Variants in PABPC4 observed in about 807,000 individuals in gnomAD.
PABPC4 encodes polyadenylate-binding protein 4.
In PABPC4, 15 loss-of-function variants were observed where a neutral mutation model predicts 74.5. The ratio of observed to expected loss-of-function variants is 0.20; its 90% CI spans 0.13 to 0.31. PABPC4 has a LOEUF of 0.31. Among genes scored for constraint, PABPC4 ranks in the 10% least tolerant of loss-of-function variants. The probability of loss-of-function intolerance (pLI) is 1.00; values close to 1 mark genes in which losing one functional copy is unlikely to be tolerated. For missense variants in PABPC4, 610 were observed against 853.5 expected, an observed-to-expected ratio of 0.71 and a Z score of 3.55; for synonymous variants, 345 against 303.0, an observed-to-expected ratio of 1.14 and a Z score of -1.44.
At position 39,572,509 on chromosome 1, in the gene PABPC4, G is replaced by C; in HGVS notation, c.271C>G (p.Pro91Ala). Residue 91 changes from proline (P) to alanine (A), a missense_variant, in exon 2 of 16, where the codon CCC becomes GCC. Pro to Ala is a conservative substitution (Grantham distance 27, BLOSUM62 -1). This residue lies in a region of PABPC4 where 304 missense variants were observed against 478.9 expected (regional missense o/e 0.63). Transcript: ENST00000372858. ...PIRIMWSQRD[P>A]SLRKSGVGNV... ...CCCACACCAGATTTTCTCAAAGAGG[G>C]ATCCCTCTGAGACCACATGATGCGG... 6.2e-7 allele frequency: 1 copy of C among 1,613,878 alleles called. No individual in the cohort carries two copies. Among genetic ancestry groups the C allele is most frequent in the East Asian group, 2.2e-5 (1 of 44,882 alleles).
At chr1:39,569,295 G>A (rs1008227903) in intron 5 of PABPC4, among the ~76,000 whole-genome samples, 8 of 152,172 alleles carry the variant, frequency 5.3e-5, no homozygotes, top group South Asian at 2.1e-4. Context: ...AGTAGCTGCC[G>A]TGCTGTTATC....
intron 2 of PABPC4, among the ~76,000 whole-genome samples, chr1:39,572,013 T>C (rs1645948903): frequency 6.6e-6 from 1 of 152,242 alleles, no homozygotes; most frequent in Non-Finnish European, 1.5e-5. Flanking sequence ...GTTTAAGTTT[T>C]AAAGTGCTCA....
Position 39,571,238 on chromosome 1 carries a change from T to G in PABPC4, c.499A>C (p.Lys167Gln). The G allele has an allele frequency of 6.2e-7, 1 of 1,614,042 alleles. No homozygotes were observed. Residue 167 changes from lysine (K) to glutamine (Q), a missense_variant, in exon 3 of 16, where the codon AAA becomes CAA. Physicochemically the swap from Lys to Gln is moderately conservative, Grantham distance 53. Around this residue, in one of 4 missense-constraint regions of PABPC4, gnomAD observed 304 missense variants for 478.9 expected, o/e 0.63. Transcript: ENST00000372858. The part of the protein sequence containing the change: ...KMNGMLLNDR[K>Q]VFVGRFKSRK... ...GCTCCGGACTGGGACACTCACACTT[T>G]GCGGTCATTGAGGAGCATGCCATTC...
rs1645778708 is a variant in PABPC4 at position 39,562,365 on chromosome 1, T to C, written c.1720A>G (p.Met574Val). 6.2e-7 allele frequency: 1 copy of C among 1,614,050 alleles called. No homozygotes were observed. The highest frequency in any genetic ancestry group is 8.5e-7 in the Non-Finnish European group (1 of 1,180,004). ...TCCTGGGGGGGTGCTGCAGCCAGCA[T>C]GGAGGCAGTCAGTGGCTCCTGCCCC... ...VQGQEPLTAS[M>V]LAAAPPQEQK... is the part of the protein sequence containing the mutation. The change falls in exon 13 of 16, where the codon ATG becomes GTG. Residue 574 changes from methionine (M) to valine (V), a missense_variant. Met to Val is a conservative substitution (Grantham distance 21). Coordinates refer to ENST00000372858, the MANE Select transcript of PABPC4 (RefSeq NM_001135653.2).
chr1:39,561,925 C>G (rs1172564634), intron 14 of PABPC4, 138 bp from the exon 15 acceptor site: 36 of 1,154,500 alleles, frequency 3.1e-5, no homozygotes, highest in South Asian at 2.4e-4. Flanking sequence ...TCCCAAATAC[C>G]CACTGCAGCC....
At chr1:39,570,153 C>T (rs1645917149) in intron 3 of PABPC4, 151 bp from the exon 4 acceptor site, 2 of 744,790 alleles carry the variant, frequency 2.7e-6, no homozygotes, top group African/African-American at 1.8e-5. Context: ...ACCCCAAGTC[C>T]CCAGCAGAAA....
Position 39,564,413 on chromosome 1 carries a change from GT to G in PABPC4, c.1453+9del. 6.2e-7 allele frequency: 1 copy of G among 1,613,114 alleles called. No individual in the cohort carries two copies. Among genetic ancestry groups the G allele is most frequent in the Non-Finnish European group, 8.5e-7 (1 of 1,179,774 alleles). On this transcript the variant is annotated intron_variant, in intron 10 of 15. Coordinates refer to ENST00000372858, the MANE Select transcript of PABPC4 (RefSeq NM_001135653.2). Reference sequence around the variant, plus strand: ...CCCCAGGCCACACTTCTAAAGGCCAGTTTGCTCACCGACTCTCTGAGTGGTA... The same window carrying G: ...CCCCAGGCCACACTTCTAAAGGCCAGTTGCTCACCGACTCTCTGAGTGGTA...
chr1:39,573,617 G>A (rs1029385720), intron 1 of PABPC4, among the ~76,000 whole-genome samples: 1 of 152,150 alleles, frequency 6.6e-6, no homozygotes, highest in African/African-American at 2.4e-5. Context: ...TCAGGAGTTC[G>A]AGACCAGCCT....
intron 10 of PABPC4, 142 bp from the exon 11 acceptor site, chr1:39,564,064 A>G (rs1645800250): frequency 1.4e-6 from 1 of 694,480 alleles, no homozygotes; most frequent in Non-Finnish European, 2.5e-6. Context: ...GAGCCAAAGG[A>G]TAACATACAA....
chr1:39,561,338 TTGACAAGAGGGTCA>T, intron 15 of PABPC4: 1 of 345,454 alleles, frequency 2.9e-6, no homozygotes, highest in East Asian at 7.3e-5. Flanking sequence ...CCTGAGGCCC[TTGACAAGAGGGTCA>T]TGACTATGCC....
chr1:39,564,560 T>G lies in PABPC4; in HGVS notation c.1334-18A>C. On this transcript the variant is annotated intron_variant, in intron 9 of 15. Transcript: ENST00000372858. ...TTGGAAGCCTGGTGAAGAGAAAAAT[T>G]GCACATCATTGAGAAGTGATGTGGA... 1 of 1,613,898 alleles carries G rather than the reference T, an allele frequency of 6.2e-7. No individual in the cohort carries two copies. The highest frequency in any genetic ancestry group is 8.5e-7 in the Non-Finnish European group (1 of 1,179,856).
intron 10 of PABPC4, 66 bp downstream of exon 10, chr1:39,564,357 G>A: frequency 1.3e-6 from 2 of 1,585,510 alleles, no homozygotes; most frequent in Non-Finnish European, 1.7e-6. Flanking sequence ...GACCAACCCA[G>A]GACAGAGCCT....
chr1:39,562,174 T>C lies in PABPC4; in HGVS notation c.1792A>G (p.Met598Val), dbSNP rs141368472. 21 of 1,614,052 alleles carry C rather than the reference T, an allele frequency of 1.3e-5. No individual in the cohort carries two copies. The Admixed American group carries it at 1.5e-4, about 12-fold the overall frequency. The change falls in exon 14 of 16, where the codon ATG (methionine) becomes GTG (valine). Residue 598 changes from methionine (M) to valine (V), a missense_variant. Physicochemically the swap from Met to Val is conservative, Grantham distance 21. Transcript: ENST00000372858. Reference sequence around the variant, plus strand: ...ATCTTCCCAGCCAGATTTGAATGCATTGTTTGGATGAGTGGGAACAAGCGT... The same window carrying C: ...ATCTTCCCAGCCAGATTTGAATGCACTGTTTGGATGAGTGGGAACAAGCGT... ...GERLFPLIQTMHSNLAGKITG... is the reference protein window; with the variant it reads ...GERLFPLIQTVHSNLAGKITG...
At position 39,565,117 on chromosome 1, in the gene PABPC4, C is replaced by T. The variant is rs917414824; in HGVS notation, c.1234G>A (p.Ala412Thr). The change falls in exon 8 of 16, where the codon GCA becomes ACA. Residue 412 changes from alanine to threonine, a missense_variant. Physicochemically the swap from Ala to Thr is moderately conservative, Grantham distance 58. Coordinates refer to ENST00000372858, the MANE Select transcript of PABPC4 (RefSeq NM_001135653.2). ...QPAAGGYFVP[A>T]VPQAQGRPPY... ...AACAGCACACCCACCTGTGGGACTG[C>T]TGGCACAAAGTAGCCACCCGCTGCA... The T allele has an allele frequency of 1.9e-6, 3 of 1,613,846 alleles. No individual in the cohort carries two copies. Among genetic ancestry groups the T allele is most frequent in the Non-Finnish European group, 1.7e-6 (2 of 1,180,004 alleles).
At position 39,572,292 on chromosome 1, in the gene PABPC4, A is replaced by G. The variant is rs560566100; in HGVS notation, c.387+101T>C. The G allele has an allele frequency of 3.1e-4, 285 of 923,344 alleles. No homozygotes were observed. The African/African-American group carries it at 3.6e-3, about 12-fold the overall frequency. 57.2% of individuals were successfully genotyped at this position (923,344 alleles called of 1,614,324 possible). ...CATGTCCAGCATTTTGAAAATTCCC[A>G]TATCTTGTTCCCCAATTCCAAGATA... On this transcript the variant is annotated intron_variant, in intron 2 of 15. Transcript: ENST00000372858.
In PABPC4 at chr1:39,572,589, G is replaced by C; in HGVS notation, c.194-3C>G. The C allele has an allele frequency of 6.2e-7, 1 of 1,610,528 alleles. No individual in the cohort carries two copies. Among genetic ancestry groups the C allele is most frequent in the Non-Finnish European group, 8.5e-7 (1 of 1,177,448 alleles). ...CATGGTGTCCAAAGCCCGCTCAGCT[G>C]TAAGAGAGAAACACATTTCAATAAG... is the stretch of plus-strand genomic sequence containing the variant. On this transcript the variant is annotated splice_polypyrimidine_tract_variant and splice_region_variant and intron_variant, in intron 1 of 15. Transcript: ENST00000372858.
At chr1:39,563,305 T>C (rs759740221) in intron 12 of PABPC4, 1 of 315,384 alleles carries the variant, frequency 3.2e-6, no homozygotes, top group South Asian at 4.8e-5. Context: ...ATCCAATAGG[T>C]CATTGGATGC....
At chr1:39,564,629 A>C in intron 9 of PABPC4, 57 bp downstream of exon 9, 1 of 1,609,158 alleles carries the variant, frequency 6.2e-7, no homozygotes, top group Non-Finnish European at 8.5e-7. Flanking sequence ...AAGGAAAGGC[A>C]GGGGAGACCA....
At chr1:39,571,501 C>T in intron 2 of PABPC4, 152 bp from the exon 3 acceptor site, 3 of 721,768 alleles carry the variant, frequency 4.2e-6, no homozygotes, top group Non-Finnish European at 7.0e-6. Flanking sequence ...CCTAGCACAG[C>T]ACCAGGTGCC....
Sources: gnomAD v4.1 joint callset for allele counts (sites outside exome capture counted in the v4.1 genomes callset) on GRCh38, gnomAD v4.1.1 for gene constraint, gnomAD v4.1.1 regional missense constraint, MANE v1.5 for transcripts, NCBI Gene and HGNC (gene_info 2026-07-23, HGNC 2026-07-21) for gene names.